CDK8: variants seen among roughly 807,000 people sequenced by gnomAD.
The protein encoded by CDK8 is cyclin dependent kinase 8.
In CDK8, 29 loss-of-function variants were observed where a neutral mutation model predicts 71.5. The ratio of observed to expected loss-of-function variants is 0.41; its 90% confidence interval spans 0.30 to 0.55. The LOEUF (loss-of-function observed/expected upper bound fraction) is 0.55, where lower values mean the gene tolerates loss of function less well. Among genes scored for constraint, CDK8 ranks in the 20% least tolerant of loss-of-function variants. The pLI, the probability that CDK8 is intolerant of heterozygous loss-of-function variation, is 0.37. For missense variants in CDK8, 288 were observed against 572.6 expected (o/e 0.50, Z 5.07); for synonymous variants, 161 against 192.1 (o/e 0.84, Z 1.34).
Position 26,254,536 on chromosome 13 carries a change from G to T in CDK8, c.-106G>T. 2.2e-6 allele frequency: 2 copies of T among 930,214 alleles called. No homozygotes were observed. The highest frequency in any genetic ancestry group is 3.2e-6 in the Non-Finnish European group (2 of 630,666). 57.6% of individuals were successfully genotyped at this position (930,214 alleles called of 1,614,324 possible). A position where few individuals can be genotyped will look rare whatever the true frequency, so the allele number is the denominator to read the frequency against. On this transcript the variant is annotated 5_prime_UTR_variant, in exon 1 of 13. Coordinates refer to ENST00000381527, the MANE Select transcript of CDK8 (RefSeq NM_001260.3). The surrounding 1 kb of genome is among the most constrained non-coding windows in gnomAD (Gnocchi z 6.7). Reference sequence around the variant, plus strand: ...CGGGCTGGTGCTGCGGCCGGCGGGCGTAGAGCGGGCGGGTTCCCGGGGGCT... The same window carrying T: ...CGGGCTGGTGCTGCGGCCGGCGGGCTTAGAGCGGGCGGGTTCCCGGGGGCT...
rs1876412023 is a variant in CDK8, at chr13:26,404,295, C to T, written c.*214C>T. Reference sequence around the variant, plus strand: ...TAGACTTGAAAAGAAAGTGCTAGCACAGTTTGTGTTGTGGATTTGCTACTT... The same window carrying T: ...TAGACTTGAAAAGAAAGTGCTAGCATAGTTTGTGTTGTGGATTTGCTACTT... On this transcript the variant is annotated 3_prime_UTR_variant, in exon 13 of 13. Coordinates refer to ENST00000381527, the MANE Select transcript of CDK8 (RefSeq NM_001260.3). The T allele has an allele frequency of 2.1e-6, 1 of 478,890 alleles. No homozygotes were observed. The highest frequency in any genetic ancestry group is 1.9e-5 in the African/African-American group (1 of 51,934). The allele number at this position is 478,890 out of a possible 1,614,324, so 29.7% of individuals were successfully genotyped here.
In CDK8 at chr13:26,308,703, T is replaced by G. The variant is rs542443922; in HGVS notation, c.129-28864T>G. 3.9e-5 allele frequency among the ~76,000 whole-genome samples: 6 copies of G among 152,354 alleles called. No homozygotes were observed. The East Asian group carries it at 9.6e-4, about 24-fold the overall frequency. Reference sequence around the variant, plus strand: ...CTGAATCTTCTTCAAGTTACCACGCTTTCACCTTTTCTTACAGGCGTATCT... The same window carrying G: ...CTGAATCTTCTTCAAGTTACCACGCGTTCACCTTTTCTTACAGGCGTATCT... On this transcript the variant is annotated intron_variant, in intron 1 of 12. Transcript: ENST00000381527.
chr13:26,269,244 A>G (rs1290979535), intron 1 of CDK8, among the ~76,000 whole-genome samples: 2 of 152,252 alleles, frequency 1.3e-5, no homozygotes, highest in African/African-American at 4.8e-5. Context: ...TATGGATACA[A>G]TGACTGCTTA....
At chr13:26,261,958 A>G (rs1317291687) in intron 1 of CDK8, among the ~76,000 whole-genome samples, 1 of 152,262 alleles carries the variant, frequency 6.6e-6, no homozygotes, top group Non-Finnish European at 1.5e-5. Context: ...TGCTCACACC[A>G]TAATCTATTG....
intron 2 of CDK8, among the ~76,000 whole-genome samples, chr13:26,339,507 C>G (rs9579000): frequency 0.11 from 17,413 of 151,512 alleles, 2,970 homozygotes; most frequent in African/African-American, 0.37. Context: ...GGTGGTGTAA[C>G]GCCACCAGCT....
At chr13:26,325,468 G>C (rs186304400) in intron 1 of CDK8, among the ~76,000 whole-genome samples, 1 of 152,236 alleles carries the variant, frequency 6.6e-6, no homozygotes, top group East Asian at 1.9e-4. Context: ...ATGCCACCAG[G>C]AGTGCACCTG....
At chr13:26,336,985 GAA>G (rs1873020469) in intron 1 of CDK8, among the ~76,000 whole-genome samples, 1 of 151,124 alleles carries the variant, frequency 6.6e-6, no homozygotes, top group Admixed American at 6.6e-5. Flanking sequence ...GGTAGACACA[GAA>G]AACTCTCTAA....
rs1315130867 is a variant in CDK8 at position 26,400,543 on chromosome 13, A to G, written c.1024A>G (p.Thr342Ala). ...CTATTTCTTAGAAGACCCACTTCCT[A>G]CATCAGAGTAAGTGGCCTAGTTGGT... is the stretch of plus-strand genomic sequence containing the variant. ...DPYFLEDPLP[T>A]SDVFAGCQIP... Residue 342 changes from threonine to alanine, a missense_variant, in exon 10 of 13, where the codon ACA (threonine) becomes GCA (alanine). Transcript: ENST00000381527. The G allele has an allele frequency of 6.3e-7, 1 of 1,593,784 alleles. No individual in the cohort carries two copies. The highest frequency in any genetic ancestry group is 1.7e-5 in the Admixed American group (1 of 59,964).
intron 2 of CDK8, among the ~76,000 whole-genome samples, chr13:26,345,766 C>G (rs1873438575): frequency 1.3e-5 from 2 of 152,166 alleles, no homozygotes; most frequent in African/African-American, 4.8e-5. Context: ...GTTCATAGAT[C>G]AGAAGCCAGA....
chr13:26,367,288 ATAAAG>A (rs752537016), intron 4 of CDK8, among the ~76,000 whole-genome samples: 15 of 152,234 alleles, frequency 9.9e-5, no homozygotes, highest in Non-Finnish European at 1.8e-4. Flanking sequence ...GCAGAGCAAA[ATAAAG>A]AACAACAAAA....
intron 5 of CDK8, among the ~76,000 whole-genome samples, chr13:26,383,382 G>A (rs1593303171): frequency 6.6e-6 from 1 of 152,084 alleles, no homozygotes; most frequent in Non-Finnish European, 1.5e-5. Flanking sequence ...TTTCCCTGAT[G>A]GGAAAAAATA....
intron 1 of CDK8, among the ~76,000 whole-genome samples, chr13:26,294,570 C>T (rs372651833): frequency 2.0e-5 from 3 of 152,154 alleles, no homozygotes; most frequent in East Asian, 1.9e-4. Flanking sequence ...CACATCCTCA[C>T]GAACACTTGT....
Position 26,385,194 on chromosome 13 carries a change from T to C in CDK8, c.515-17T>C, listed in dbSNP as rs1875418037. 6.3e-7 allele frequency: 1 copy of C among 1,581,028 alleles called. No individual in the cohort carries two copies. Among genetic ancestry groups the C allele is most frequent in the African/African-American group, 1.4e-5 (1 of 72,818 alleles). ...AAATCATTTACTTAGCATGATTTTTTTTTTATTATTTTACAGCTGACATGG... is the reference window on the plus strand; with the variant it reads ...AAATCATTTACTTAGCATGATTTTTCTTTTATTATTTTACAGCTGACATGG... On this transcript the variant is annotated splice_polypyrimidine_tract_variant and intron_variant, in intron 5 of 12. Coordinates refer to ENST00000381527, the MANE Select transcript of CDK8 (RefSeq NM_001260.3).
intron 3 of CDK8, 99 bp from the exon 4 acceptor site, chr13:26,353,641 G>C (rs1053314840): frequency 1.3e-5 from 12 of 909,122 alleles, no homozygotes; most frequent in East Asian, 1.1e-4. Flanking sequence ...ATATCTATGG[G>C]AATCCCTGAG....
At chr13:26,321,619 TA>T (rs1200803599) in intron 1 of CDK8, among the ~76,000 whole-genome samples, 10 of 152,194 alleles carry the variant, frequency 6.6e-5, no homozygotes, top group African/African-American at 1.9e-4. Flanking sequence ...ATAACTATGA[TA>T]TTTTTTCTTT....
At chr13:26,308,619 A>G (rs1027049356) in intron 1 of CDK8, among the ~76,000 whole-genome samples, 1 of 152,240 alleles carries the variant, frequency 6.6e-6, no homozygotes, top group African/African-American at 2.4e-5. Flanking sequence ...CTTGGTAGAT[A>G]TTTGAGTTTG....
At chr13:26,280,768 A>C (rs963146459) in intron 1 of CDK8, among the ~76,000 whole-genome samples, 4 of 152,280 alleles carry the variant, frequency 2.6e-5, no homozygotes, top group South Asian at 4.2e-4. Flanking sequence ...GTCATGCCCG[A>C]TTCCTCTTTG....
chr13:26,303,490 C>T (rs1873909041), intron 1 of CDK8, among the ~76,000 whole-genome samples: 1 of 151,952 alleles, frequency 6.6e-6, no homozygotes, highest in Non-Finnish European at 1.5e-5. Flanking sequence ...TTGGTAAAGA[C>T]GGGGTTTTAC....
chr13:26,350,552 A>C (rs565241133), intron 3 of CDK8, among the ~76,000 whole-genome samples: 18 of 152,246 alleles, frequency 1.2e-4, no homozygotes, highest in African/African-American at 4.3e-4. Context: ...CAGGAAGTCG[A>C]GGCTGCAGTG....
Sources: allele counts gnomAD v4.1 joint callset (sites outside exome capture counted in the v4.1 genomes callset), GRCh38; gene constraint gnomAD v4.1.1; non-coding constraint Gnocchi (gnomAD v3.1); transcripts MANE v1.5; gene names NCBI Gene and HGNC (gene_info 2026-07-23, HGNC 2026-07-21).